The following POM121 variants were observed in gnomAD, a reference collection of about 807,000 sequenced individuals.
POM121 encodes POM121 transmembrane nucleoporin, also known as nuclear envelope pore membrane protein POM 121.
In POM121, 32 loss-of-function variants were observed where a neutral mutation model predicts 81.3. The observed-to-expected ratio is 0.39, with a 90% confidence interval of 0.30 to 0.53. POM121 has a LOEUF of 0.53. Ranked by LOEUF, POM121 falls within the 20% of genes least tolerant of loss-of-function variation. POM121 has a pLI of 0.66. For missense variants in POM121, 1,138 were observed against 1,614.6 expected (o/e 0.70, Z 5.06); for synonymous variants, 514 against 694.2 (o/e 0.74, Z 4.08).
rs555806960 is a variant in POM121, at chr7:72,897,202, A to G, written c.-216+6092A>G. On this transcript the variant is annotated intron_variant, in intron 3 of 15. Transcript: ENST00000395270. ...AAAATATATGTGTCAAATGGTGACA[A>G]TTACTGTGACGGGAAAAAAGTTCCT... 8.5e-5 allele frequency among the ~76,000 whole-genome samples: 13 copies of G among 152,250 alleles called. No individual in the cohort carries two copies. In the East Asian group the frequency reaches 1.4e-3, roughly 16 times the overall value.
rs782793550 is a variant in POM121, at chr7:72,942,173, T to G, written c.2180T>G (p.Met727Arg). ...CCTGCTGCATCTTCAGCACCTCCCA[T>G]GTTCAAGCCCATTTTCACGGCTCCA... ...AAPAASSAPP[M>R]FKPIFTAPPK... Residue 727 changes from methionine to arginine, a missense_variant, in exon 11 of 13, where the codon ATG (methionine) becomes AGG (arginine). This residue lies in a region of POM121 where 37 missense variants were observed against 62.8 expected (regional missense o/e 0.59). Transcript: ENST00000434423. 4.3e-6 allele frequency: 7 copies of G among 1,609,466 alleles called. No homozygotes were observed. The Admixed American group carries it at 1.2e-4, about 27-fold the overall frequency.
At chr7:72,936,757 C>T (rs1554499601) in intron 5 of POM121, among the ~76,000 whole-genome samples, 1 of 152,110 alleles carries the variant, frequency 6.6e-6, no homozygotes, top group Non-Finnish European at 1.5e-5. Flanking sequence ...GTGTATCCCT[C>T]AGTGTCTGGA....
chr7:72,948,391 G>C (rs576222002), downstream of POM121: 8 of 1,613,284 alleles, frequency 5.0e-6, no homozygotes, highest in Admixed American at 1.7e-5. Flanking sequence ...CTTTCAAAAC[G>C]CAAACTGCTG....
At chr7:72,948,756 C>G, downstream of POM121, 7 of 1,577,356 alleles carry the variant, frequency 4.4e-6, no homozygotes, top group Middle Eastern at 1.7e-4. Flanking sequence ...TGCTCGGCAC[C>G]CGGGAACGTG....
chr7:72,925,844 T>G, intron 1 of POM121, 79 bp downstream of exon 1: 1 of 1,248,476 alleles, frequency 8.0e-7, no homozygotes, highest in Non-Finnish European at 1.0e-6. Flanking sequence ...AAATCCGATT[T>G]GCTTTTTCAT....
intron 4 of POM121, among the ~76,000 whole-genome samples, chr7:72,918,007 C>T (rs1453613823): frequency 6.6e-6 from 1 of 152,206 alleles, no homozygotes; most frequent in Non-Finnish European, 1.5e-5. Context: ...AGAAAGATAG[C>T]TTACGCCATT....
At chr7:72,945,830 G>T (rs1797635704) in intron 12 of POM121, 122 bp downstream of exon 12, 2 of 1,458,838 alleles carry the variant, frequency 1.4e-6, no homozygotes, top group Non-Finnish European at 1.8e-6. Context: ...AGACATTTCG[G>T]GTTAGGAGTC....
chr7:72,898,779 CAG>C (rs1792232013), intron 3 of POM121, among the ~76,000 whole-genome samples: 1 of 119,656 alleles, frequency 8.4e-6, no homozygotes, highest in African/African-American at 3.3e-5. Flanking sequence ...GCCTGGGTGA[CAG>C]AGTGAGACTG....
intron 5 of POM121, among the ~76,000 whole-genome samples, chr7:72,934,841 TG>T (rs148367844): frequency 0.029 from 4,438 of 152,244 alleles, 205 homozygotes; most frequent in African/African-American, 0.1. Context: ...TGTATATATG[TG>T]GGTCCATTTC....
In POM121 at chr7:72,945,725, C is replaced by G; in HGVS notation, c.3652+17C>G. On this transcript the variant is annotated intron_variant, in intron 12 of 12. Coordinates refer to ENST00000434423, the MANE Select transcript of POM121 (RefSeq NM_001387691.1). ...CACCTTTCGGTAAGCAGCAAGCCAC[C>G]CTGTGGCCCTGCTCATCTGTCTGAG... The G allele has an allele frequency of 6.2e-7, 1 of 1,605,282 alleles. No homozygotes were observed. The highest frequency in any genetic ancestry group is 8.5e-7 in the Non-Finnish European group (1 of 1,175,788).
At chr7:72,917,928 A>T (rs113857207) in intron 4 of POM121, among the ~76,000 whole-genome samples, 17 of 152,358 alleles carry the variant, frequency 1.1e-4, no homozygotes, top group Middle Eastern at 3.4e-3. Context: ...CGTGGGTCAC[A>T]TGTCCACTGG....
chr7:72,914,034 A>G (rs1794062034), intron 4 of POM121, among the ~76,000 whole-genome samples: 1 of 152,212 alleles, frequency 6.6e-6, no homozygotes, highest in South Asian at 2.1e-4. Flanking sequence ...ATAAAGTAGG[A>G]CAGAAGCGAC....
At chr7:72,908,185 G>A (rs1380136237) in intron 3 of POM121, among the ~76,000 whole-genome samples, 4 of 152,292 alleles carry the variant, frequency 2.6e-5, no homozygotes, top group South Asian at 4.1e-4. Flanking sequence ...ATAATTCAAC[G>A]TGAGTCCTTT....
chr7:72,943,576 T>C, intron 11 of POM121, 54 bp downstream of exon 11: 2 of 1,570,594 alleles, frequency 1.3e-6, no homozygotes, highest in Non-Finnish European at 8.6e-7. Context: ...AAGCTGTGCC[T>C]GCGAAGCCTG....
rs1796753688 is a variant in POM121 at position 72,938,635 on chromosome 7, G to C, written c.1321G>C (p.Ala441Pro). The C allele has an allele frequency of 3.1e-6, 5 of 1,613,880 alleles. No homozygotes were observed. In the South Asian group the frequency reaches 5.5e-5, roughly 18 times the overall value. Residue 441 changes from alanine to proline, a missense_variant, in exon 6 of 13, where the codon GCC (alanine) becomes CCC (proline). Ala to Pro is a conservative substitution (Grantham distance 27). Around this residue, in one of 7 missense-constraint regions of POM121, gnomAD observed 646 missense variants for 633.5 expected, o/e 1.02. Transcript: ENST00000434423. ...GPSSSPFSSPASSRSQTPERP... is the reference protein window; with the variant it reads ...GPSSSPFSSPPSSRSQTPERP... ...CAGTTCATCACCCTTCTCTAGCCCA[G>C]CCTCCTCCCGCTCCCAGACACCGGA...
At chr7:72,879,580 G>C (rs1281443875) in exon 1 of POM121, 2 of 291,646 alleles carry the variant, frequency 6.9e-6, no homozygotes, top group South Asian at 2.5e-5. Context: ...GCTGGGGCCA[G>C]AGGGGCCAGG....
intron 3 of POM121, among the ~76,000 whole-genome samples, chr7:72,906,352 C>T (rs1384160499): frequency 3.9e-5 from 6 of 152,224 alleles, no homozygotes; most frequent in East Asian, 1.9e-4. Context: ...GACAGAGTTC[C>T]GCTGCTCGCC....
intron 11 of POM121, among the ~76,000 whole-genome samples, chr7:72,944,695 C>T (rs1438409896): frequency 2.6e-5 from 4 of 151,928 alleles, no homozygotes; most frequent in African/African-American, 7.3e-5. Context: ...GAGTGGAGAG[C>T]GGGTGAAGTC....
chr7:72,909,453 C>G (rs1586111518), intron 3 of POM121, among the ~76,000 whole-genome samples: 1 of 152,128 alleles, frequency 6.6e-6, no homozygotes, highest in Non-Finnish European at 1.5e-5. Context: ...ATCCTGGACA[C>G]TTTGAGTGTT....
Sources: allele counts gnomAD v4.1 joint callset (sites outside exome capture counted in the v4.1 genomes callset), GRCh38; gene constraint gnomAD v4.1.1; regional missense constraint gnomAD v4.1.1; transcripts MANE v1.5; gene names NCBI Gene and HGNC (gene_info 2026-07-23, HGNC 2026-07-21).